The following BCAS4 variants were observed in gnomAD, a reference collection of about 807,000 sequenced individuals.
The protein encoded by BCAS4 is breast carcinoma-amplified sequence 4.
Under a neutral mutation model 15.7 loss-of-function variants are expected in BCAS4, and 9 were observed. That is an observed-to-expected ratio of 0.57 (90% CI 0.34 to 1.00). The LOEUF is 1.00. Among genes scored for constraint, BCAS4 ranks in the 50% least tolerant of loss-of-function variants. The pLI is 0.02. For synonymous variants in BCAS4, 101 were observed against 99.5 expected (o/e 1.02, Z -0.09); for missense variants, 225 against 239.1 (o/e 0.94, Z 0.39).
intron 4 of BCAS4, among the ~76,000 whole-genome samples, chr20:50,873,150 T>C (rs1201492366): frequency 1.3e-5 from 2 of 152,246 alleles, no homozygotes; most frequent in African/African-American, 2.4e-5. Context: ...CCATCACATC[T>C]AGAGCTGCCG....
At chr20:50,795,442 G>A (rs2123735258) in intron 1 of BCAS4, among the ~76,000 whole-genome samples, 2 of 152,252 alleles carry the variant, frequency 1.3e-5, no homozygotes, top group Admixed American at 1.3e-4. Flanking sequence ...GTCCTCAGGC[G>A]CCGCCCTTTG....
chr20:50,857,712 C>G (rs1382684977), intron 4 of BCAS4, among the ~76,000 whole-genome samples: 4 of 152,200 alleles, frequency 2.6e-5, no homozygotes, highest in African/African-American at 4.8e-5. Context: ...TGACCCCCAC[C>G]TCCACTTCCA....
chr20:50,824,612 T>C (rs1177801686), intron 2 of BCAS4, among the ~76,000 whole-genome samples: 1 of 152,152 alleles, frequency 6.6e-6, no homozygotes, highest in African/African-American at 2.4e-5. Context: ...GAGAAGTGAG[T>C]TGGAGATGAG....
At chr20:50,796,485 A>ATTT (rs1198586862) in intron 1 of BCAS4, among the ~76,000 whole-genome samples, 68 of 10,302 alleles carry the variant, frequency 6.6e-3, no homozygotes, top group Non-Finnish European at 8.6e-3. Flanking sequence ...ATATATATAT[A>ATTT]TATTTTTTTT....
At chr20:50,807,902 C>CT (rs957736187) in intron 1 of BCAS4, among the ~76,000 whole-genome samples, 17,198 of 129,474 alleles carry the variant, frequency 0.13, 1,343 homozygotes, top group South Asian at 0.15. Flanking sequence ...GCCACATATT[C>CT]TTTTTTTTTT....
chr20:50,830,495 G>C lies in BCAS4; in HGVS notation c.264+115G>C, dbSNP rs2088331266. On this transcript the variant is annotated intron_variant, in intron 3 of 4. Transcript: ENST00000371608. ...TCAGGCATTATGCCCAATGCAGGGG[G>C]TTGGTGGTGGGAGTTGGGGAGTCTG... The C allele has an allele frequency of 5.1e-6, 4 of 782,768 alleles. No homozygotes were observed. The East Asian group carries it at 1.1e-4, about 22-fold the overall frequency. 48.5% of individuals were successfully genotyped at this position (782,768 alleles called of 1,614,324 possible). A position where few individuals can be genotyped will look rare whatever the true frequency, so the allele number is the denominator to read the frequency against.
Position 50,862,778 on chromosome 20 carries a change from G to A in BCAS4, c.400-13708G>A, listed in dbSNP as rs539224160. Among the ~76,000 whole-genome samples the A allele has an allele frequency of 4.7e-4, 71 of 152,300 alleles. 1 individual carries two copies. In the South Asian group the frequency reaches 0.013, roughly 29 times the overall value. On this transcript the variant is annotated intron_variant, in intron 4 of 4. Transcript: ENST00000371608. ...TCTCCAGGCCTGGCAGGGGCCTGGA[G>A]GAGGCATCTGAGCACCTGCTGGTTC... is the stretch of plus-strand genomic sequence containing the variant.
chr20:50,807,119 G>C (rs1397332197), intron 1 of BCAS4, among the ~76,000 whole-genome samples: 1 of 151,942 alleles, frequency 6.6e-6, no homozygotes, highest in East Asian at 1.9e-4. Context: ...TGATCTGCCT[G>C]CCTCGGCCTC....
intron 1 of BCAS4, among the ~76,000 whole-genome samples, chr20:50,817,048 G>A (rs62202843): frequency 2.6e-5 from 4 of 151,046 alleles, no homozygotes; most frequent in Non-Finnish European, 4.4e-5. Context: ...TGATCTGCCC[G>A]CCTCAGCCTC....
intron 2 of BCAS4, among the ~76,000 whole-genome samples, chr20:50,822,035 C>T (rs182741285): frequency 6.6e-5 from 10 of 152,146 alleles, no homozygotes; most frequent in Non-Finnish European, 1.5e-4. Context: ...AACAACCACC[C>T]ATTTATTTTG....
At chr20:50,797,058 G>T (rs2087874544) in intron 1 of BCAS4, among the ~76,000 whole-genome samples, 1 of 151,806 alleles carries the variant, frequency 6.6e-6, no homozygotes, top group African/African-American at 2.4e-5. Context: ...GGCGGGTCTT[G>T]AATTCCTGGG....
rs150896893 is a variant in BCAS4 at position 50,836,195 on chromosome 20, C to T, written c.265-5571C>T. Among the ~76,000 whole-genome samples, 1,235 of 152,306 alleles carry T rather than the reference C, an allele frequency of 8.1e-3. 18 individuals carry two copies. The highest frequency in any genetic ancestry group is 0.028 in the African/African-American group (1,150 of 41,560). ...CCTCCCAAAGTGGTGGGATTACCGG[C>T]GTGAGCCACTGCGCCTGGCTGGTGA... On this transcript the variant is annotated intron_variant, in intron 3 of 4. Transcript: ENST00000371608.
chr20:50,872,675 C>T (rs192150005), intron 4 of BCAS4, among the ~76,000 whole-genome samples: 55 of 152,334 alleles, frequency 3.6e-4, no homozygotes, highest in Middle Eastern at 6.8e-3. Flanking sequence ...CACCACTCTC[C>T]AAGACTGTGT....
intron 4 of BCAS4, among the ~76,000 whole-genome samples, chr20:50,858,710 TTTTTTTTTTCTTGAA>T: frequency 6.7e-6 from 1 of 149,918 alleles, no homozygotes; most frequent in East Asian, 1.9e-4. Context: ...AACCATCCTT[TTTTTTTTTTCTTGAA>T]TTTTTTTTTT....
At chr20:50,800,178 A>G (rs1425223484) in intron 1 of BCAS4, among the ~76,000 whole-genome samples, 1 of 152,188 alleles carries the variant, frequency 6.6e-6, no homozygotes, top group Admixed American at 6.6e-5. Context: ...ATAGAAGGTT[A>G]TTGTCTGGGT....
At chr20:50,795,430 G>C (rs2087842596) in intron 1 of BCAS4, among the ~76,000 whole-genome samples, 2 of 152,140 alleles carry the variant, frequency 1.3e-5, no homozygotes, top group Middle Eastern at 3.2e-3. Context: ...AGCATCCGCC[G>C]GGTCCTCAGG....
At chr20:50,872,147 C>T (rs1385419516) in intron 4 of BCAS4, among the ~76,000 whole-genome samples, 4 of 151,200 alleles carry the variant, frequency 2.6e-5, no homozygotes, top group African/African-American at 9.8e-5. Context: ...TTTAGTAATC[C>T]CAGCTACTCA....
chr20:50,794,993 C>A, upstream of BCAS4: 1 of 1,312,270 alleles, frequency 7.6e-7, no homozygotes, highest in South Asian at 2.1e-5. Flanking sequence ...GTCCGCGGGG[C>A]ATGCAGCGGA....
In BCAS4 at chr20:50,864,438, G is replaced by GT. The variant is rs1568684273; in HGVS notation, c.400-12048_400-12047insT. ...ATTGTCCTTACTATTGATCATGATT[G>GT]ATTTTTTTTTTTTTTTTTTTGACAG... On this transcript the variant is annotated intron_variant, in intron 4 of 4. Coordinates refer to ENST00000371608, the MANE Select transcript of BCAS4 (RefSeq NM_198799.4). Among the ~76,000 whole-genome samples, 15 of 138,528 alleles carry GT rather than the reference G, an allele frequency of 1.1e-4. 2 individuals are homozygous for GT. Among genetic ancestry groups the GT allele is most frequent in the African/African-American group, 3.9e-4 (14 of 35,844 alleles). The allele number at this position is 138,528 out of a possible 152,430, so 90.9% of individuals were successfully genotyped here.
Sources: gnomAD v4.1 joint callset for allele counts (sites outside exome capture counted in the v4.1 genomes callset) on GRCh38, gnomAD v4.1.1 for gene constraint, MANE v1.5 for transcripts, NCBI Gene and HGNC (gene_info 2026-07-23, HGNC 2026-07-21) for gene names.